Variants in KCNN2 observed in about 807,000 individuals in gnomAD.
KCNN2 encodes the protein small conductance calcium-activated potassium channel protein 2.
A neutral mutation model predicts 55.5 loss-of-function variants in KCNN2; 24 were observed. The observed-to-expected ratio is 0.43, with a 90% confidence interval of 0.31 to 0.61. KCNN2 has a LOEUF of 0.61. Ranked by LOEUF, KCNN2 falls within the 20% of genes least tolerant of loss-of-function variation. The pLI is 0.08. For synonymous variants in KCNN2, 431 were observed against 336.1 expected (o/e 1.28, Z -3.09); for missense variants, 754 against 853.6 (o/e 0.88, Z 1.45).
chr5:114,204,713 C>T (rs189638899), intron 1 of KCNN2, among the ~76,000 whole-genome samples: 1 of 152,270 alleles, frequency 6.6e-6, no homozygotes, highest in African/African-American at 2.4e-5. Context: ...GGTGACACCA[C>T]CATTATGGTG....
intron 2 of KCNN2, among the ~76,000 whole-genome samples, chr5:114,231,499 A>T (rs188449527): frequency 1.3e-5 from 2 of 150,826 alleles, no homozygotes; most frequent in East Asian, 3.9e-4. Context: ...AGCTTTCTAC[A>T]TATGGCTAGC....
intron 1 of KCNN2, among the ~76,000 whole-genome samples, chr5:114,202,088 C>T (rs1753684276): frequency 6.6e-6 from 1 of 152,080 alleles, no homozygotes; most frequent in Non-Finnish European, 1.5e-5. Context: ...TCTCTTCCTG[C>T]CTCCGTGGAG....
At chr5:114,098,594 C>T (rs1353814338) in intron 1 of KCNN2, among the ~76,000 whole-genome samples, 2 of 151,772 alleles carry the variant, frequency 1.3e-5, no homozygotes, top group Non-Finnish European at 2.9e-5. Context: ...CATCCCCACT[C>T]CCCCCTGCAC....
intron 2 of KCNN2, among the ~76,000 whole-genome samples, chr5:114,304,322 C>T (rs186118943): frequency 2.0e-5 from 3 of 152,276 alleles, no homozygotes; most frequent in East Asian, 1.9e-4. Context: ...AGGTAGGTGT[C>T]ATGGGAGTCT....
intron 1 of KCNN2, among the ~76,000 whole-genome samples, chr5:114,086,012 A>C (rs2112547666): frequency 6.6e-6 from 1 of 152,242 alleles, no homozygotes; most frequent in African/African-American, 2.4e-5. Flanking sequence ...GGTTAGTCCT[A>C]AAGTCTATTT....
intron 1 of KCNN2, among the ~76,000 whole-genome samples, chr5:114,082,956 C>A (rs1750857661): frequency 6.6e-6 from 1 of 151,950 alleles, no homozygotes. Context: ...TTGTTTTACA[C>A]CATGAAGAGA....
At chr5:114,308,698 G>C (rs745949777) in intron 2 of KCNN2, among the ~76,000 whole-genome samples, 11 of 152,270 alleles carry the variant, frequency 7.2e-5, no homozygotes, top group Non-Finnish European at 1.5e-4. Flanking sequence ...GGAGCTGAAA[G>C]ATGCTAAGTG....
intron 4 of KCNN2, among the ~76,000 whole-genome samples, chr5:114,472,289 C>T (rs1289671962): frequency 1.3e-5 from 2 of 152,162 alleles, no homozygotes; most frequent in Non-Finnish European, 2.9e-5. Flanking sequence ...ACCTTGATCA[C>T]GGAGCGGGAG....
intron 2 of KCNN2, among the ~76,000 whole-genome samples, chr5:114,377,883 T>G (rs926606276): frequency 6.6e-6 from 1 of 152,214 alleles, no homozygotes; most frequent in African/African-American, 2.4e-5. Context: ...AAATGCTCAA[T>G]AAGTCTTAAC....
At chr5:114,320,762 C>T (rs1371915077) in intron 2 of KCNN2, among the ~76,000 whole-genome samples, 3 of 152,146 alleles carry the variant, frequency 2.0e-5, no homozygotes, top group African/African-American at 7.2e-5. Flanking sequence ...TCCATTCATT[C>T]CAGAGAAAGC....
chr5:114,282,783 C>A (rs1315304216), intron 2 of KCNN2, among the ~76,000 whole-genome samples: 2 of 152,060 alleles, frequency 1.3e-5, no homozygotes, highest in East Asian at 3.8e-4. Context: ...TTTGATAGAA[C>A]CTTCTGGAGA....
At chr5:114,355,827 G>A (rs1163727461) in intron 2 of KCNN2, among the ~76,000 whole-genome samples, 1 of 152,150 alleles carries the variant, frequency 6.6e-6, no homozygotes, top group Non-Finnish European at 1.5e-5. Flanking sequence ...TGGCAGCAAA[G>A]TAGATAGAAG....
intron 1 of KCNN2, among the ~76,000 whole-genome samples, chr5:114,121,122 G>A (rs374440678): frequency 1.3e-5 from 2 of 152,196 alleles, no homozygotes; most frequent in Admixed American, 6.5e-5. Flanking sequence ...ATGGGCCTCC[G>A]TCTCCTTTTT....
chr5:114,486,266 A>G (rs1440542426), intron 5 of KCNN2, among the ~76,000 whole-genome samples: 2 of 152,232 alleles, frequency 1.3e-5, no homozygotes, highest in African/African-American at 2.4e-5. Flanking sequence ...GCTGTGGGTC[A>G]TCAGATCCCA....
At chr5:114,222,078 A>G (rs1382852611) in intron 2 of KCNN2, among the ~76,000 whole-genome samples, 1 of 152,226 alleles carries the variant, frequency 6.6e-6, no homozygotes, top group Admixed American at 6.5e-5. Flanking sequence ...TTTTACTTAT[A>G]TGCCTCATTG....
chr5:114,092,784 T>A (rs1751171425), intron 1 of KCNN2, among the ~76,000 whole-genome samples: 1 of 152,176 alleles, frequency 6.6e-6, no homozygotes, highest in East Asian at 1.9e-4. Context: ...GCCTGAGCAG[T>A]AAGTTGGCCC....
At chr5:114,285,992 T>A (rs1003486719) in intron 2 of KCNN2, among the ~76,000 whole-genome samples, 2 of 150,528 alleles carry the variant, frequency 1.3e-5, no homozygotes, top group African/African-American at 4.9e-5. Context: ...TGATCTCGAC[T>A]CACAGCAACC....
At chr5:114,369,035 A>T (rs906658950) in intron 2 of KCNN2, among the ~76,000 whole-genome samples, 2 of 152,122 alleles carry the variant, frequency 1.3e-5, no homozygotes, top group African/African-American at 4.8e-5. Context: ...ATCTATTTAG[A>T]GTATATACAT....
intron 3 of KCNN2, 88 bp downstream of exon 3, chr5:114,404,944 A>G (rs1758886067): frequency 5.2e-6 from 6 of 1,146,562 alleles, no homozygotes; most frequent in Non-Finnish European, 7.5e-6. Context: ...TGAGACGTGT[A>G]GTGTCTCACT....
Sources: gnomAD v4.1 joint callset for allele counts (sites outside exome capture counted in the v4.1 genomes callset) on GRCh38, gnomAD v4.1.1 for gene constraint, MANE v1.5 for transcripts, NCBI Gene and HGNC (gene_info 2026-07-23, HGNC 2026-07-21) for gene names.